INSL6: variants seen among roughly 807,000 people sequenced by gnomAD.
INSL6 encodes insulin-like peptide INSL6.
A neutral mutation model predicts 9.4 loss-of-function variants in INSL6; 16 were observed. The observed-to-expected ratio is 1.70, with a 90% confidence interval of 1.15 to 2.59. The LOEUF (loss-of-function observed/expected upper bound fraction) is 2.59. Among genes scored for constraint, INSL6 ranks in the 30% most tolerant of loss-of-function variants. The pLI, the probability that INSL6 is intolerant of heterozygous loss-of-function variation, is 0.00. For synonymous variants in INSL6, 154 were observed against 96.9 expected, an observed-to-expected ratio of 1.59 and a Z score of -3.46; for missense variants, 391 against 257.3, an observed-to-expected ratio of 1.52 and a Z score of -3.56.
the INSL6 span, among the ~76,000 whole-genome samples, chr9:5,083,609 G>GT: frequency 3.3e-5 from 5 of 152,096 alleles, no homozygotes; most frequent in South Asian, 2.1e-4. Context: ...CTTAAAAAAA[G>GT]TTCCTTTAGA....
chr9:5,143,453 A>G (rs949401454), intron 2 of INSL6, among the ~76,000 whole-genome samples: 7 of 151,568 alleles, frequency 4.6e-5, no homozygotes, highest in South Asian at 4.2e-4. Context: ...CATTTCTTCT[A>G]TGTTTTCCAG....
the INSL6 span, among the ~76,000 whole-genome samples, chr9:5,020,613 G>C: frequency 6.6e-6 from 1 of 152,166 alleles, no homozygotes; most frequent in Non-Finnish European, 1.5e-5. Flanking sequence ...ATGTGATGAA[G>C]CTGTACTCAG....
the INSL6 span, among the ~76,000 whole-genome samples, chr9:5,013,799 G>A: frequency 2.6e-5 from 4 of 152,042 alleles, no homozygotes; most frequent in African/African-American, 9.7e-5. Flanking sequence ...TTTGTACTTA[G>A]ATGATGTGTA....
Position 5,129,513 on chromosome 9 carries a change from A to C in INSL6, c.*10+3912T>G, listed in dbSNP as rs529175865. On this transcript the variant is annotated intron_variant, in intron 3 of 3. Transcript: ENST00000649639. ...TAATATTTCTAATGAAAGTTTCTCTAATTTGGGGGCATAATGTACTAAGAA... is the reference window on the plus strand; with the variant it reads ...TAATATTTCTAATGAAAGTTTCTCTCATTTGGGGGCATAATGTACTAAGAA... Among the ~76,000 whole-genome samples, 3 of 152,228 alleles carry C rather than the reference A, an allele frequency of 2.0e-5. No individual in the cohort carries two copies. In the South Asian group the frequency reaches 6.2e-4, roughly 32 times the overall value.
chr9:5,089,551 A>G, the INSL6 span: 1 of 347,176 alleles, frequency 2.9e-6, no homozygotes, highest in Non-Finnish European at 4.9e-6. Context: ...AAAAAAAAAA[A>G]AAAAAAAAAA....
the INSL6 span, among the ~76,000 whole-genome samples, chr9:5,000,968 G>C: frequency 6.6e-6 from 1 of 152,112 alleles, no homozygotes; most frequent in African/African-American, 2.4e-5. Flanking sequence ...AAATTCCCAA[G>C]ATAGCAAAGC....
chr9:5,070,072 TTAC>T, the INSL6 span: 1 of 1,561,818 alleles, frequency 6.4e-7, no homozygotes, highest in Non-Finnish European at 8.7e-7. Flanking sequence ...TAGATACTCA[TTAC>T]TGTCTTTTTT....
At chr9:5,109,327 G>C in the INSL6 span, 1 of 152,070 alleles carries the variant, frequency 6.6e-6, no homozygotes. Context: ...TTAAATTGTG[G>C]ATCTAATAAT....
At position 5,185,378 on chromosome 9, in the gene INSL6, G is replaced by A. The variant is rs1825548537; in HGVS notation, c.225C>T (p.Tyr75=). The change falls in exon 1 of 2, where the codon TAC becomes TAT. Residue 75 remains tyrosine (Y), a synonymous_variant. Coordinates refer to ENST00000381641, the MANE Select transcript of INSL6 (RefSeq NM_007179.3). Reference sequence around the variant, plus strand: ...GCGGGCTTTCGAACTGGTATGGGCTGTAGGCTTCGACCTTCTCCGAGGCCT... The same window carrying A: ...GCGGGCTTTCGAACTGGTATGGGCTATAGGCTTCGACCTTCTCCGAGGCCT... ...IAQASEKVEA[Y]SPYQFESPQT... 6 of 1,614,144 alleles carry A rather than the reference G, an allele frequency of 3.7e-6. No individual in the cohort carries two copies. The highest frequency in any genetic ancestry group is 5.1e-6 in the Non-Finnish European group (6 of 1,180,008).
chr9:5,138,440 G>C (rs935242857), intron 2 of INSL6, among the ~76,000 whole-genome samples: 11 of 152,194 alleles, frequency 7.2e-5, no homozygotes, highest in Non-Finnish European at 1.2e-4. Flanking sequence ...CAGGGACACA[G>C]ATGAAGCTAG....
At chr9:5,109,283 C>G in the INSL6 span, 1 of 152,116 alleles carries the variant, frequency 6.6e-6, no homozygotes, top group East Asian at 1.9e-4. Context: ...TTATTATGGG[C>G]TTTACATGCT....
chr9:5,112,189 G>A, the INSL6 span: 7 of 268,890 alleles, frequency 2.6e-5, no homozygotes, highest in Non-Finnish European at 3.8e-5. Flanking sequence ...GCTGGCCTTG[G>A]GCTTCGCCGG....
At chr9:5,108,732 A>G in the INSL6 span, 3 of 152,064 alleles carry the variant, frequency 2.0e-5, no homozygotes, top group African/African-American at 7.3e-5. Context: ...AGGGATAGTT[A>G]TGACAAGCTC....
At chr9:5,085,050 G>A in the INSL6 span, 2 of 764,620 alleles carry the variant, frequency 2.6e-6, no homozygotes, top group South Asian at 1.3e-5. Flanking sequence ...GTCTCTTTCT[G>A]GGGATGAGAA....
the INSL6 span, among the ~76,000 whole-genome samples, chr9:5,072,063 C>A: frequency 6.6e-6 from 1 of 152,106 alleles, no homozygotes; most frequent in Non-Finnish European, 1.5e-5. Context: ...ACAGCTGCAG[C>A]ACAGAGATTA....
At chr9:5,096,278 A>G in the INSL6 span, among the ~76,000 whole-genome samples, 2 of 152,186 alleles carry the variant, frequency 1.3e-5, no homozygotes, top group Non-Finnish European at 2.9e-5. Context: ...TTTAGGTTAA[A>G]TAAGACCAGG....
At chr9:5,156,226 C>A (rs1401596653) in intron 2 of INSL6, among the ~76,000 whole-genome samples, 1 of 152,116 alleles carries the variant, frequency 6.6e-6, no homozygotes, top group Non-Finnish European at 1.5e-5. Flanking sequence ...TTAAAACCTG[C>A]AAGCCAAAAT....
chr9:5,163,010 ATTGAG>A (rs1824960147), downstream of INSL6, among the ~76,000 whole-genome samples: 1 of 152,320 alleles, frequency 6.6e-6, no homozygotes, highest in East Asian at 1.9e-4. Flanking sequence ...TAACATCTAT[ATTGAG>A]TTGAGATATG....
At chr9:5,043,094 C>T in the INSL6 span, among the ~76,000 whole-genome samples, 1 of 152,150 alleles carries the variant, frequency 6.6e-6, no homozygotes, top group South Asian at 2.1e-4. Context: ...GGCAAGCAGC[C>T]GCAGACAAAA....
Sources: allele counts gnomAD v4.1 joint callset (sites outside exome capture counted in the v4.1 genomes callset), GRCh38; gene constraint gnomAD v4.1.1; transcripts MANE v1.5; gene names NCBI Gene and HGNC (gene_info 2026-07-23, HGNC 2026-07-21).